The following GHR variants were observed in gnomAD, a reference collection of about 807,000 sequenced individuals.
GHR encodes growth hormone receptor.
A neutral mutation model predicts 67.1 loss-of-function variants in GHR; 35 were observed. The ratio of observed to expected loss-of-function variants is 0.52; its 90% CI spans 0.40 to 0.69. GHR has a LOEUF of 0.69. Among genes scored for constraint, GHR ranks in the 30% least tolerant of loss-of-function variants. GHR has a pLI of 0.00. For missense variants in GHR, 792 were observed against 764.6 expected (o/e 1.04, Z -0.42); for synonymous variants, 272 against 269.1 (o/e 1.01, Z -0.10).
chr5:42,478,724 A>G (rs971021872), intron 1 of GHR, among the ~76,000 whole-genome samples: 2 of 152,132 alleles, frequency 1.3e-5, no homozygotes, highest in African/African-American at 4.8e-5. Flanking sequence ...TGATTTTTGC[A>G]TATTGATTTT....
rs1742730036 is a variant in GHR, at chr5:42,424,010, G to C, written c.-12+55G>C. On this transcript the variant is annotated intron_variant, in intron 1 of 9. Coordinates refer to ENST00000230882, the MANE Select transcript of GHR (RefSeq NM_000163.5). The surrounding 1 kb of genome is among the most constrained non-coding windows in gnomAD (Gnocchi z 4.1). ...TTTATTTTCCTCCTGTTGTGCCAGGGGGCCTGAGGGTGAACCCTGGGACTC... is the reference window on the plus strand; with the variant it reads ...TTTATTTTCCTCCTGTTGTGCCAGGCGGCCTGAGGGTGAACCCTGGGACTC... The C allele has an allele frequency of 6.5e-6, 1 of 153,500 alleles. No homozygotes were observed. The highest frequency in any genetic ancestry group is 1.5e-5 in the Non-Finnish European group (1 of 68,528). 9.5% of individuals were successfully genotyped at this position (153,500 alleles called of 1,614,324 possible).
chr5:42,429,277 T>C (rs1386181147), intron 1 of GHR, among the ~76,000 whole-genome samples: 2 of 152,108 alleles, frequency 1.3e-5, no homozygotes, highest in Non-Finnish European at 2.9e-5. Context: ...TTAATCACTA[T>C]CGCAAGAACA....
chr5:42,582,203 A>G (rs1243631617), intron 2 of GHR, among the ~76,000 whole-genome samples: 1 of 152,248 alleles, frequency 6.6e-6, no homozygotes, highest in Non-Finnish European at 1.5e-5. Context: ...CAGAAGGCAG[A>G]CAGGCTCCTG....
intron 1 of GHR, among the ~76,000 whole-genome samples, chr5:42,475,600 T>C (rs1284431999): frequency 6.6e-6 from 1 of 151,860 alleles, no homozygotes; most frequent in East Asian, 1.9e-4. Flanking sequence ...TTTTTTTTTT[T>C]CTTAAAAAGG....
chr5:42,430,169 C>G (rs979960788), intron 1 of GHR, among the ~76,000 whole-genome samples: 1 of 152,218 alleles, frequency 6.6e-6, no homozygotes, highest in Non-Finnish European at 1.5e-5. Flanking sequence ...CTTACCAAGT[C>G]TTAGCTGCCT....
chr5:42,468,063 G>C (rs762637929), intron 1 of GHR: 402 of 911,454 alleles, frequency 4.4e-4, no homozygotes, highest in Non-Finnish European at 6.1e-4. Flanking sequence ...AATATGATGC[G>C]GGGGTTTTCA....
At chr5:42,625,140 A>G (rs984091124) in intron 2 of GHR, among the ~76,000 whole-genome samples, 2 of 152,160 alleles carry the variant, frequency 1.3e-5, no homozygotes. Flanking sequence ...GAAAAAGTAC[A>G]TTGAAAAGCG....
chr5:42,671,406 A>T (rs1324701833), intron 3 of GHR, among the ~76,000 whole-genome samples: 2 of 152,012 alleles, frequency 1.3e-5, no homozygotes, highest in Admixed American at 1.3e-4. Context: ...CATGATTCAA[A>T]CACCTCCCAC....
chr5:42,660,762 A>T (rs1422674735), intron 3 of GHR, among the ~76,000 whole-genome samples: 3 of 152,262 alleles, frequency 2.0e-5, no homozygotes, highest in African/African-American at 4.8e-5. Context: ...CTGGACGGAG[A>T]ATGACTTTGA....
At chr5:42,492,543 A>G (rs1479070781) in intron 1 of GHR, among the ~76,000 whole-genome samples, 1 of 152,164 alleles carries the variant, frequency 6.6e-6, no homozygotes, top group Non-Finnish European at 1.5e-5. Flanking sequence ...GTGATGCTGA[A>G]TGGGGCTGTG....
intron 1 of GHR, among the ~76,000 whole-genome samples, chr5:42,437,623 C>T (rs1278655195): frequency 6.6e-6 from 1 of 151,844 alleles, no homozygotes; most frequent in Non-Finnish European, 1.5e-5. Context: ...ACTTGGCTCA[C>T]TGCAACCTCT....
intron 1 of GHR, among the ~76,000 whole-genome samples, chr5:42,531,418 T>TTGAGA (rs559552104): frequency 6.4e-4 from 97 of 152,136 alleles, no homozygotes; most frequent in Middle Eastern, 3.4e-3. Flanking sequence ...CTACAATGAT[T>TTGAGA]TGAGACAGTG....
chr5:42,548,456 G>A, intron 1 of GHR: 1 of 984,956 alleles, frequency 1.0e-6, no homozygotes, highest in Non-Finnish European at 1.2e-6. Flanking sequence ...AATTTAAAAA[G>A]TTCTTGATAT....
Position 42,424,311 on chromosome 5 carries a change from AG to A in GHR, c.-12+360del. ...TCTGGCCCGCGAGTAGTGTACGTGG[AG>A]GGGTTTACTCCGGAGACAGTTTTGT... On this transcript the variant is annotated intron_variant, in intron 1 of 9. Coordinates refer to ENST00000230882, the MANE Select transcript of GHR (RefSeq NM_000163.5). This position sits in a 1 kb window ranked among gnomAD's most constrained non-coding sequence, Gnocchi z 4.1. 1.9e-6 allele frequency: 1 copy of A among 519,640 alleles called. No homozygotes were observed. The highest frequency in any genetic ancestry group is 2.2e-5 in the South Asian group (1 of 45,906). 32.2% of individuals were successfully genotyped at this position (519,640 alleles called of 1,614,324 possible). A position where few individuals can be genotyped will look rare whatever the true frequency, so the allele number is the denominator to read the frequency against.
At chr5:42,500,115 AGC>A (rs1746478347) in intron 1 of GHR, among the ~76,000 whole-genome samples, 2 of 152,218 alleles carry the variant, frequency 1.3e-5, no homozygotes, top group Non-Finnish European at 2.9e-5. Flanking sequence ...AGGAAACAGC[AGC>A]CCTTCCTTCA....
intron 6 of GHR, among the ~76,000 whole-genome samples, chr5:42,705,200 T>C (rs1758118400): frequency 6.6e-6 from 1 of 152,006 alleles, no homozygotes; most frequent in Admixed American, 6.6e-5. Context: ...TTTCCTTCCT[T>C]CTATGAACTT....
chr5:42,677,293 A>G (rs1231006172), intron 3 of GHR, among the ~76,000 whole-genome samples: 2 of 152,136 alleles, frequency 1.3e-5, no homozygotes, highest in Non-Finnish European at 2.9e-5. Flanking sequence ...GTCACTAGGG[A>G]AAAGTATCAA....
At chr5:42,685,462 G>A (rs1041445964) in intron 3 of GHR, among the ~76,000 whole-genome samples, 85 of 152,244 alleles carry the variant, frequency 5.6e-4, no homozygotes, top group Non-Finnish European at 1.0e-3. Flanking sequence ...TATACCCAGT[G>A]ATGGGATTGC....
intron 3 of GHR, among the ~76,000 whole-genome samples, chr5:42,660,704 C>T (rs1755550251): frequency 6.6e-6 from 1 of 152,172 alleles, no homozygotes; most frequent in South Asian, 2.1e-4. Flanking sequence ...AGCAGAGCAC[C>T]TCTCCTCCTC....
Sources: gnomAD v4.1 joint callset for allele counts (sites outside exome capture counted in the v4.1 genomes callset) on GRCh38, gnomAD v4.1.1 for gene constraint, Gnocchi (gnomAD v3.1) non-coding constraint, MANE v1.5 for transcripts, NCBI Gene and HGNC (gene_info 2026-07-23, HGNC 2026-07-21) for gene names.